ATP8B4: variants seen among roughly 807,000 people sequenced by gnomAD.
ATP8B4 encodes probable phospholipid-transporting ATPase IM.
Under a neutral mutation model 145.6 loss-of-function variants are expected in ATP8B4, and 133 were observed. That is an observed-to-expected ratio of 0.91 (90% CI 0.79 to 1.05). The LOEUF is 1.05. Among genes scored for constraint, ATP8B4 ranks in the 50% least tolerant of loss-of-function variants. The pLI is 0.00. For synonymous variants in ATP8B4, 507 were observed against 492.9 expected (o/e 1.03, Z -0.38); for missense variants, 1,458 against 1,425.2 (o/e 1.02, Z -0.37).
chr15:50,080,113 A>C (rs897892609), intron 2 of ATP8B4, among the ~76,000 whole-genome samples: 1 of 152,302 alleles, frequency 6.6e-6, no homozygotes, highest in Admixed American at 6.5e-5. Flanking sequence ...TAAGCCTTCA[A>C]AGTGCTACTC....
intron 1 of ATP8B4, among the ~76,000 whole-genome samples, chr15:50,163,297 T>A (rs2044548137): frequency 1.3e-5 from 2 of 152,228 alleles, no homozygotes; most frequent in Admixed American, 6.5e-5. Flanking sequence ...GGCACTTGGG[T>A]ATTGTGATCT....
intron 7 of ATP8B4, among the ~76,000 whole-genome samples, chr15:50,004,076 T>C (rs2048120834): frequency 6.6e-6 from 1 of 152,150 alleles, no homozygotes; most frequent in South Asian, 2.1e-4. Context: ...TCTTTGATGT[T>C]CTCTGAACCT....
In ATP8B4 at chr15:50,073,193, G is replaced by A. The variant is rs1046616189; in HGVS notation, c.87+934C>T. On this transcript the variant is annotated intron_variant, in intron 3 of 27. Coordinates refer to ENST00000284509, the MANE Select transcript of ATP8B4 (RefSeq NM_024837.4). ...GGTGGTTTGCTGCACCCATCAGCCC[G>A]TCATCTACATTAGGTATTTCTCCTA... 3.3e-5 allele frequency among the ~76,000 whole-genome samples: 5 copies of A among 151,080 alleles called. No homozygotes were observed. The South Asian group carries it at 6.3e-4, about 19-fold the overall frequency.
chr15:49,981,159 T>C (rs1474500306), intron 11 of ATP8B4, 47 bp downstream of exon 11: 1 of 1,397,400 alleles, frequency 7.2e-7, no homozygotes. Flanking sequence ...TCAGTAAATG[T>C]ACTAAGATAA....
At chr15:50,081,619 C>A (rs2054562967) in intron 2 of ATP8B4, among the ~76,000 whole-genome samples, 1 of 152,166 alleles carries the variant, frequency 6.6e-6, no homozygotes. Flanking sequence ...TTTACAACCT[C>A]TTCCTAAAAA....
chr15:49,954,736 G>T (rs1599401602), intron 14 of ATP8B4, among the ~76,000 whole-genome samples: 3 of 152,288 alleles, frequency 2.0e-5, no homozygotes, highest in Admixed American at 2.0e-4. Context: ...CAAATGAAAT[G>T]AGTCCAGCCA....
intron 25 of ATP8B4, among the ~76,000 whole-genome samples, chr15:49,872,594 T>G (rs1251449659): frequency 6.6e-6 from 1 of 152,208 alleles, no homozygotes; most frequent in African/African-American, 2.4e-5. Flanking sequence ...TTTGTGATTC[T>G]TTCCCCAAAT....
chr15:50,037,959 T>A (rs1353720126), intron 6 of ATP8B4, among the ~76,000 whole-genome samples: 6 of 152,252 alleles, frequency 3.9e-5, no homozygotes, highest in Non-Finnish European at 8.8e-5. Flanking sequence ...TTCCCTCACA[T>A]ATGGCTAATT....
intron 6 of ATP8B4, among the ~76,000 whole-genome samples, chr15:50,029,064 A>G (rs1438872126): frequency 1.3e-5 from 2 of 151,544 alleles, no homozygotes; most frequent in African/African-American, 4.8e-5. Context: ...AAAACCCCGT[A>G]TCTACTAAAA....
At chr15:49,901,320 G>C in intron 20 of ATP8B4, 81 bp from the exon 21 acceptor site, 8 of 1,419,954 alleles carry the variant, frequency 5.6e-6, no homozygotes, top group Non-Finnish European at 7.7e-6. Context: ...CTTGCCTAGA[G>C]GTAAATTTAT....
chr15:50,028,517 G>A (rs2050178334), intron 6 of ATP8B4, among the ~76,000 whole-genome samples: 1 of 152,118 alleles, frequency 6.6e-6, no homozygotes, highest in Non-Finnish European at 1.5e-5. Context: ...ACTTTTGAGA[G>A]CTGCACATTC....
rs2031469712 is a variant in ATP8B4, at chr15:49,860,537, C to A, written c.3298-62G>T. On this transcript the variant is annotated intron_variant, in intron 27 of 27. Coordinates refer to ENST00000284509, the MANE Select transcript of ATP8B4 (RefSeq NM_024837.4). ...CAAATGATAGACTCCAGGCAGTGGCCCACTTTGTAAAGTGAAAGCCTTTTT... is the reference window on the plus strand; with the variant it reads ...CAAATGATAGACTCCAGGCAGTGGCACACTTTGTAAAGTGAAAGCCTTTTT... The A allele has an allele frequency of 4.7e-6, 7 of 1,485,220 alleles. No homozygotes were observed. The African/African-American group carries it at 8.5e-5, about 18-fold the overall frequency. 92.0% of individuals were successfully genotyped at this position (1,485,220 alleles called of 1,614,324 possible). A position where few individuals can be genotyped will look rare whatever the true frequency, so the allele number is the denominator to read the frequency against.
At chr15:50,055,012 T>C (rs2052498685) in intron 3 of ATP8B4, among the ~76,000 whole-genome samples, 1 of 152,106 alleles carries the variant, frequency 6.6e-6, no homozygotes, top group Non-Finnish European at 1.5e-5. Flanking sequence ...CCCTCCTAAT[T>C]ACAATTTTGA....
intron 23 of ATP8B4, among the ~76,000 whole-genome samples, chr15:49,887,937 G>A (rs1432115175): frequency 6.6e-6 from 1 of 152,148 alleles, no homozygotes; most frequent in East Asian, 1.9e-4. Context: ...CTCGACCACT[G>A]GCTGAGCTCC....
chr15:50,160,659 A>T (rs907707396), intron 1 of ATP8B4, among the ~76,000 whole-genome samples: 25 of 150,432 alleles, frequency 1.7e-4, no homozygotes, highest in African/African-American at 6.1e-4. Flanking sequence ...CATATAGTTT[A>T]ATTTCCAAAT....
Position 50,116,615 on chromosome 15 carries a change from G to C in ATP8B4, c.-43+2508C>G, listed in dbSNP as rs959454464. Among the ~76,000 whole-genome samples, 7 of 152,276 alleles carry C rather than the reference G, an allele frequency of 4.6e-5. No individual in the cohort carries two copies. The East Asian group carries it at 1.3e-3, about 29-fold the overall frequency. ...CACCCAGAAAGGACAAGAACAAAGA[G>C]AGGTGAGGAAAGGACAGAGGACGAG... On this transcript the variant is annotated intron_variant, in intron 1 of 27. Coordinates refer to ENST00000284509, the MANE Select transcript of ATP8B4 (RefSeq NM_024837.4).
At chr15:50,043,738 G>A (rs2153605239) in intron 5 of ATP8B4, among the ~76,000 whole-genome samples, 2 of 151,904 alleles carry the variant, frequency 1.3e-5, no homozygotes, top group East Asian at 1.9e-4. Context: ...TGGATCATGA[G>A]GTCAGGAGAT....
chr15:49,866,384 C>T lies in ATP8B4; in HGVS notation c.3128G>A (p.Gly1043Asp). Residue 1043 changes from glycine to aspartate, a missense_variant, in exon 26 of 28, where the codon GGC becomes GAC. Transcript: ENST00000284509. ...FSILFTMHSN[G>D]IFGIFPNQFP... ...CTGGTTTGGGAAGATGCCAAAGATG[C>T]CATTACTGTGCATTGTAAATAAAAT... 5 of 1,614,004 alleles carry T rather than the reference C, an allele frequency of 3.1e-6. No individual in the cohort carries two copies. The highest frequency in any genetic ancestry group is 3.4e-6 in the Non-Finnish European group (4 of 1,179,898).
chr15:50,053,573 T>C (rs888047667), intron 3 of ATP8B4, among the ~76,000 whole-genome samples: 1 of 152,202 alleles, frequency 6.6e-6, no homozygotes, highest in Non-Finnish European at 1.5e-5. Context: ...GGATTCTCTT[T>C]CAGTTCCCCT....
Sources: allele counts gnomAD v4.1 joint callset (sites outside exome capture counted in the v4.1 genomes callset), GRCh38; gene constraint gnomAD v4.1.1; transcripts MANE v1.5; gene names NCBI Gene and HGNC (gene_info 2026-07-23, HGNC 2026-07-21).